The following DNM3 variants were observed in gnomAD, a reference collection of about 807,000 sequenced individuals.
DNM3 encodes dynamin 3, also known as dynamin-3.
In DNM3, 47 loss-of-function variants were observed where a neutral mutation model predicts 101.6. The ratio of observed to expected loss-of-function variants is 0.46; its 90% confidence interval spans 0.37 to 0.59. The LOEUF is 0.59. Ranked by LOEUF, DNM3 falls within the 20% of genes least tolerant of loss-of-function variation. The probability of loss-of-function intolerance (pLI) is 0.00; values close to 1 mark genes in which losing one functional copy is unlikely to be tolerated. For synonymous variants in DNM3, 385 were observed against 387.9 expected (o/e 0.99, Z 0.09); for missense variants, 849 against 1,085.7 (o/e 0.78, Z 3.06).
intron 1 of DNM3, among the ~76,000 whole-genome samples, chr1:171,891,900 A>C (rs902856245): frequency 6.6e-6 from 1 of 152,172 alleles, no homozygotes; most frequent in Non-Finnish European, 1.5e-5. Flanking sequence ...CATAACCCAC[A>C]CTTAAGGAGT....
At chr1:171,909,386 C>T (rs997654853) in intron 1 of DNM3, among the ~76,000 whole-genome samples, 4 of 149,918 alleles carry the variant, frequency 2.7e-5, no homozygotes, top group Non-Finnish European at 5.9e-5. Flanking sequence ...TGAGCCGCGC[C>T]GAGATTGTGC....
At chr1:172,267,123 G>T (rs1361721708) in intron 15 of DNM3, among the ~76,000 whole-genome samples, 1 of 152,196 alleles carries the variant, frequency 6.6e-6, no homozygotes, top group Non-Finnish European at 1.5e-5. Flanking sequence ...TTAACACAAT[G>T]ATAAGTTAAA....
At chr1:172,091,791 G>C (rs899874465) in intron 12 of DNM3, among the ~76,000 whole-genome samples, 4 of 152,296 alleles carry the variant, frequency 2.6e-5, no homozygotes, top group African/African-American at 9.6e-5. Flanking sequence ...TATCACTCTG[G>C]TGTCTGTTAA....
chr1:171,844,218 T>G (rs2031723473), intron 1 of DNM3, among the ~76,000 whole-genome samples: 1 of 152,210 alleles, frequency 6.6e-6, no homozygotes, highest in African/African-American at 2.4e-5. Context: ...TACTGTAACA[T>G]CTTAGCATTT....
At chr1:172,284,189 G>A (rs2063608834) in intron 15 of DNM3, among the ~76,000 whole-genome samples, 1 of 152,136 alleles carries the variant, frequency 6.6e-6, no homozygotes, top group Non-Finnish European at 1.5e-5. Context: ...CCTTTGTAGA[G>A]TACATTTTTA....
At chr1:172,230,901 G>T (rs1353023147) in intron 14 of DNM3, among the ~76,000 whole-genome samples, 1 of 151,758 alleles carries the variant, frequency 6.6e-6, no homozygotes, top group African/African-American at 2.4e-5. Context: ...TACTTACTTA[G>T]TCCCCTTTGA....
chr1:172,224,523 G>A (rs2061029613), intron 14 of DNM3, among the ~76,000 whole-genome samples: 1 of 152,012 alleles, frequency 6.6e-6, no homozygotes, highest in Non-Finnish European at 1.5e-5. Context: ...ATGGTAAATT[G>A]ACCCGAGGGA....
intron 1 of DNM3, among the ~76,000 whole-genome samples, chr1:171,880,131 G>A (rs930079046): frequency 2.0e-5 from 3 of 152,226 alleles, no homozygotes; most frequent in African/African-American, 7.2e-5. Flanking sequence ...CCAATGTGCT[G>A]TATCAGCCAC....
At chr1:171,927,739 G>T (rs1396576494) in intron 2 of DNM3, among the ~76,000 whole-genome samples, 1 of 152,192 alleles carries the variant, frequency 6.6e-6, no homozygotes, top group Non-Finnish European at 1.5e-5. Flanking sequence ...TGGCTATATT[G>T]TCCGTTATTG....
At chr1:172,157,126 TATC>T (rs1423384278) in intron 14 of DNM3, among the ~76,000 whole-genome samples, 1 of 152,126 alleles carries the variant, frequency 6.6e-6, no homozygotes, top group Non-Finnish European at 1.5e-5. Context: ...GTATACAACT[TATC>T]ATAACGTAGA....
chr1:172,201,701 C>T (rs1384171703), intron 14 of DNM3, among the ~76,000 whole-genome samples: 2 of 152,220 alleles, frequency 1.3e-5, no homozygotes, highest in Admixed American at 6.5e-5. Context: ...GGCAGTTCCA[C>T]TGCAAAGGCA....
At chr1:172,335,746 C>T (rs1471131884) in intron 17 of DNM3, among the ~76,000 whole-genome samples, 2 of 152,086 alleles carry the variant, frequency 1.3e-5, no homozygotes, top group Non-Finnish European at 2.9e-5. Flanking sequence ...ACACTGAGTA[C>T]ACATGGATAT....
At chr1:171,864,955 T>C (rs931249147) in intron 1 of DNM3, among the ~76,000 whole-genome samples, 2 of 152,164 alleles carry the variant, frequency 1.3e-5, no homozygotes, top group African/African-American at 4.8e-5. Flanking sequence ...TAATCACTCA[T>C]TAATTTGCCT....
At chr1:172,070,776 G>A (rs1444972881) in intron 11 of DNM3, among the ~76,000 whole-genome samples, 3 of 151,956 alleles carry the variant, frequency 2.0e-5, no homozygotes, top group East Asian at 1.9e-4. Context: ...GACATTTTGT[G>A]AGGATGGAAA....
At chr1:172,336,861 A>G (rs975303849) in intron 17 of DNM3, among the ~76,000 whole-genome samples, 1 of 152,150 alleles carries the variant, frequency 6.6e-6, no homozygotes, top group Admixed American at 6.6e-5. Context: ...ACTTTGTGCA[A>G]GTGACTCTGA....
intron 1 of DNM3, among the ~76,000 whole-genome samples, chr1:171,891,106 T>C (rs2037229581): frequency 6.6e-6 from 1 of 152,210 alleles, no homozygotes; most frequent in African/African-American, 2.4e-5. Context: ...ACCCATAGTC[T>C]ACCTGAGAGA....
intron 1 of DNM3, among the ~76,000 whole-genome samples, chr1:171,911,023 A>T (rs1209686927): frequency 1.3e-5 from 2 of 151,898 alleles, no homozygotes; most frequent in East Asian, 3.9e-4. Flanking sequence ...TTAGTGTAGA[A>T]TCCCTTGGGA....
chr1:171,894,619 G>C (rs1211668821), intron 1 of DNM3, among the ~76,000 whole-genome samples: 1 of 151,968 alleles, frequency 6.6e-6, no homozygotes, highest in African/African-American at 2.4e-5. Flanking sequence ...AAGTTCTAGG[G>C]TACATGTGCA....
At chr1:172,124,256 T>A (rs1020371105) in intron 13 of DNM3, among the ~76,000 whole-genome samples, 21 of 152,150 alleles carry the variant, frequency 1.4e-4, no homozygotes, top group African/African-American at 5.1e-4. Context: ...AGAATTACAT[T>A]CCCAAAGGTG....
Sources: gnomAD v4.1 joint callset for allele counts (sites outside exome capture counted in the v4.1 genomes callset) on GRCh38, gnomAD v4.1.1 for gene constraint, MANE v1.5 for transcripts, NCBI Gene and HGNC (gene_info 2026-07-23, HGNC 2026-07-21) for gene names.